Variants in COP1 observed in about 807,000 individuals in gnomAD.
COP1 encodes COP1 E3 ubiquitin ligase.
COP1 carries 24 observed loss-of-function variants against 101.3 expected under a neutral mutation model. The observed-to-expected ratio is 0.24, with a 90% CI of 0.17 to 0.33. The LOEUF (loss-of-function observed/expected upper bound fraction) is 0.33, where lower values mean the gene tolerates loss of function less well. Among genes scored for constraint, COP1 ranks in the 10% least tolerant of loss-of-function variants. COP1 has a pLI of 1.00. For synonymous variants in COP1, 347 were observed against 341.9 expected (o/e 1.01, Z -0.17); for missense variants, 663 against 906.2 (o/e 0.73, Z 3.45).
intron 14 of COP1, among the ~76,000 whole-genome samples, chr1:176,041,983 G>A (rs1009997389): frequency 1.3e-5 from 2 of 152,056 alleles, no homozygotes; most frequent in Admixed American, 6.6e-5. Context: ...ATGGTGGCAC[G>A]TGCCTGTAGG....
chr1:176,104,621 T>C (rs928908685), intron 9 of COP1, among the ~76,000 whole-genome samples: 8 of 152,172 alleles, frequency 5.3e-5, no homozygotes, highest in African/African-American at 1.2e-4. Context: ...ACCTAATATA[T>C]TGGCAAAAAT....
intron 3 of COP1, among the ~76,000 whole-genome samples, chr1:176,165,086 G>C (rs1260389798): frequency 1.3e-5 from 2 of 152,174 alleles, no homozygotes; most frequent in Middle Eastern, 6.8e-3. Flanking sequence ...AAGCTCATAA[G>C]GATCCAAGCT....
At position 176,117,531 on chromosome 1, in the gene COP1, A is replaced by G. The variant is rs187204184; in HGVS notation, c.969-850T>C. ...AAAAAACTATCAACAACTGAAAATC[A>G]CATGACATACATACCAACCGTATAA... is the stretch of plus-strand genomic sequence containing the variant. On this transcript the variant is annotated intron_variant, in intron 8 of 19. Transcript: ENST00000367669. 9.9e-4 allele frequency among the ~76,000 whole-genome samples: 151 copies of G among 152,340 alleles called. 1 individual carries two copies. The highest frequency in any genetic ancestry group is 3.2e-3 in the African/African-American group (135 of 41,582).
At chr1:176,043,846 T>G (rs1205696139) in intron 12 of COP1, 28 bp from the exon 13 acceptor site, 1 of 1,276,034 alleles carries the variant, frequency 7.8e-7, no homozygotes, top group Admixed American at 1.8e-5. Context: ...AAAAGTTACT[T>G]TACATAAAAA....
At chr1:175,984,376 C>T (rs1263263755) in intron 18 of COP1, among the ~76,000 whole-genome samples, 1 of 152,170 alleles carries the variant, frequency 6.6e-6, no homozygotes, top group Non-Finnish European at 1.5e-5. Context: ...GTTGAGCCTG[C>T]GTGTGCACAG....
At chr1:175,945,690 A>T (rs1649080313) in intron 19 of COP1, among the ~76,000 whole-genome samples, 3 of 152,228 alleles carry the variant, frequency 2.0e-5, no homozygotes, top group Non-Finnish European at 4.4e-5. Flanking sequence ...TGTCATAAAA[A>T]AGTAAGTTGT....
intron 8 of COP1, among the ~76,000 whole-genome samples, chr1:176,130,268 A>G (rs1190901270): frequency 6.6e-6 from 1 of 151,792 alleles, no homozygotes; most frequent in Non-Finnish European, 1.5e-5. Context: ...AGAAGGGCAG[A>G]TAGGATGTAT....
chr1:176,133,890 T>C (rs1689363078), intron 8 of COP1: 1 of 452,188 alleles, frequency 2.2e-6, no homozygotes, highest in African/African-American at 2.0e-5. Context: ...ATATCAGAAC[T>C]GAATTCAAGG....
chr1:175,948,883 G>A (rs966361235), intron 18 of COP1, among the ~76,000 whole-genome samples: 1 of 152,034 alleles, frequency 6.6e-6, no homozygotes, highest in African/African-American at 2.4e-5. Context: ...GTAACATGGG[G>A]GCTGGGCGCA....
At chr1:176,121,795 A>G (rs1687159384) in intron 8 of COP1, among the ~76,000 whole-genome samples, 1 of 152,218 alleles carries the variant, frequency 6.6e-6, no homozygotes, top group Non-Finnish European at 1.5e-5. Flanking sequence ...TTGTATAAAT[A>G]AATGTCAGTG....
chr1:176,134,414 A>G (rs1167263960), intron 8 of COP1, among the ~76,000 whole-genome samples: 1 of 152,048 alleles, frequency 6.6e-6, no homozygotes, highest in Non-Finnish European at 1.5e-5. Context: ...CACATTCACC[A>G]TGCTTTACAA....
chr1:176,026,339 T>A lies in COP1; in HGVS notation c.1729+1233A>T, dbSNP rs145099206. Among the ~76,000 whole-genome samples, 398 of 150,548 alleles carry A rather than the reference T, an allele frequency of 2.6e-3. 3 individuals are homozygous for A. Among genetic ancestry groups the A allele is most frequent in the African/African-American group, 9.2e-3 (380 of 41,412 alleles). On this transcript the variant is annotated intron_variant, in intron 15 of 19. Transcript: ENST00000367669. Reference sequence around the variant, plus strand: ...GTATATATTTTAATTGAATACATAATATTAATAATAAAAATAACAACTATA... The same window carrying A: ...GTATATATTTTAATTGAATACATAAAATTAATAATAAAAATAACAACTATA...
chr1:176,148,701 T>C (rs1691958450), intron 6 of COP1, among the ~76,000 whole-genome samples: 1 of 152,124 alleles, frequency 6.6e-6, no homozygotes, highest in South Asian at 2.1e-4. Flanking sequence ...TCCTAAGTTT[T>C]CTCCTCATGG....
rs193152654 is a variant in COP1, at chr1:176,114,447, C to T, written c.1026+2177G>A. 7.2e-5 allele frequency among the ~76,000 whole-genome samples: 11 copies of T among 152,142 alleles called. No individual in the cohort carries two copies. In the East Asian group the frequency reaches 2.1e-3, roughly 29 times the overall value. ...AAAGAAAAACAGAAGTGATATAATC[C>T]AAAAGGATTTATTGTTCACTTAGAT... On this transcript the variant is annotated intron_variant, in intron 9 of 19. Transcript: ENST00000367669.
chr1:176,087,196 G>T (rs1680360936), intron 9 of COP1, among the ~76,000 whole-genome samples: 1 of 152,114 alleles, frequency 6.6e-6, no homozygotes, highest in Admixed American at 6.5e-5. Flanking sequence ...ACATAGGCAT[G>T]GGCAAAGACT....
At position 176,035,410 on chromosome 1, in the gene COP1, G is replaced by A. The variant is rs527674166; in HGVS notation, c.1613-7722C>T. On this transcript the variant is annotated intron_variant, in intron 14 of 19. Coordinates refer to ENST00000367669, the MANE Select transcript of COP1 (RefSeq NM_022457.7). Reference sequence around the variant, plus strand: ...GAATATGAGGTCTATGAGACAGAACGAAAGGGTCTAATACACTAACATAAT... The same window carrying A: ...GAATATGAGGTCTATGAGACAGAACAAAAGGGTCTAATACACTAACATAAT... Among the ~76,000 whole-genome samples, 5 of 151,654 alleles carry A rather than the reference G, an allele frequency of 3.3e-5. No individual in the cohort carries two copies. In the South Asian group the frequency reaches 6.3e-4, roughly 19 times the overall value.
chr1:176,125,506 T>C (rs1368035791), intron 8 of COP1, among the ~76,000 whole-genome samples: 1 of 152,218 alleles, frequency 6.6e-6, no homozygotes, highest in Non-Finnish European at 1.5e-5. Context: ...TTTATGTTCT[T>C]AGCAACTTTG....
intron 11 of COP1, among the ~76,000 whole-genome samples, chr1:176,059,302 T>G (rs1258249473): frequency 6.6e-6 from 1 of 152,222 alleles, no homozygotes; most frequent in Non-Finnish European, 1.5e-5. Context: ...TATCTTTGTA[T>G]GGCAATAAAA....
intron 18 of COP1, among the ~76,000 whole-genome samples, chr1:175,984,502 C>T (rs1325161487): frequency 6.6e-6 from 1 of 152,200 alleles, no homozygotes; most frequent in Non-Finnish European, 1.5e-5. Flanking sequence ...AGAACCTCTG[C>T]CACGGCAGTA....
Sources: gnomAD v4.1 joint callset for allele counts (sites outside exome capture counted in the v4.1 genomes callset) on GRCh38, gnomAD v4.1.1 for gene constraint, MANE v1.5 for transcripts, NCBI Gene and HGNC (gene_info 2026-07-23, HGNC 2026-07-21) for gene names.